FAM186A: variants seen among roughly 807,000 people sequenced by gnomAD.
FAM186A encodes family with sequence similarity 186 member A.
A neutral mutation model predicts 216.8 loss-of-function variants in FAM186A; 163 were observed. The ratio of observed to expected loss-of-function variants is 0.75; its 90% CI spans 0.66 to 0.86. FAM186A has a LOEUF of 0.86. Ranked by LOEUF, FAM186A falls within the 40% of genes least tolerant of loss-of-function variation. The pLI, the probability that FAM186A is intolerant of heterozygous loss-of-function variation, is 0.00. For missense variants in FAM186A, 2,184 were observed against 2,746.2 expected (o/e 0.80, Z 4.58); for synonymous variants, 805 against 1,025.3 (o/e 0.79, Z 4.10).
At chr12:50,371,185 C>T (rs1943139514) in intron 1 of FAM186A, among the ~76,000 whole-genome samples, 2 of 151,896 alleles carry the variant, frequency 1.3e-5, no homozygotes, top group Non-Finnish European at 1.5e-5. Context: ...GTGGCATGAT[C>T]TCGGCTGACT....
chr12:50,331,852 A>G (rs780601476), intron 5 of FAM186A, 31 bp from the exon 6 acceptor site: 9 of 1,497,412 alleles, frequency 6.0e-6, no homozygotes, highest in Non-Finnish European at 8.0e-6. Flanking sequence ...GAAAAAGGAA[A>G]CCATGAAAAG....
chr12:50,379,596 G>A (rs1192968983), intron 1 of FAM186A, among the ~76,000 whole-genome samples: 2 of 151,772 alleles, frequency 1.3e-5, no homozygotes, highest in Non-Finnish European at 2.9e-5. Flanking sequence ...AGACCAGCCT[G>A]ATCAACATGG....
chr12:50,395,391 A>C (rs543618812), intron 1 of FAM186A, among the ~76,000 whole-genome samples: 137 of 152,216 alleles, frequency 9.0e-4, no homozygotes, highest in Non-Finnish European at 1.4e-3. Flanking sequence ...GCCTGGCCTG[A>C]TTTTGTTGTA....
chr12:50,365,808 G>T, intron 1 of FAM186A: 1 of 757,936 alleles, frequency 1.3e-6, no homozygotes, highest in Non-Finnish European at 2.4e-6. Flanking sequence ...CTGAAAGAAT[G>T]ATGAAGTTCA....
chr12:50,382,582 C>CCCAG (rs1282291397), intron 1 of FAM186A, among the ~76,000 whole-genome samples: 1 of 151,852 alleles, frequency 6.6e-6, no homozygotes, highest in Non-Finnish European at 1.5e-5. Flanking sequence ...CACCTGTAAT[C>CCCAG]CCAGCTACGC....
Position 50,354,464 on chromosome 12 carries a change from T to G in FAM186A, c.2368A>C (p.Asn790His). Residue 790 changes from asparagine (N) to histidine (H), a missense_variant, in exon 4 of 8, where the codon AAT (asparagine) becomes CAT (histidine). By Grantham distance (68) the Asn-to-His change is moderately conservative (BLOSUM62 1). Around this residue, in one of 7 missense-constraint regions of FAM186A, gnomAD observed 1,132 missense variants for 1,263.4 expected, o/e 0.90. Coordinates refer to ENST00000327337, the MANE Select transcript of FAM186A (RefSeq NM_001145475.3). ...TCAGCCAAGATCATTTGTATTAAATTGTTAATTACTGGATCTGTGCTCTCA... is the reference window on the plus strand; with the variant it reads ...TCAGCCAAGATCATTTGTATTAAATGGTTAATTACTGGATCTGTGCTCTCA... ...SYESTDPVIN[N>H]LIQMILAEIE... The G allele has an allele frequency of 6.4e-7, 1 of 1,551,620 alleles. No homozygotes were observed. The highest frequency in any genetic ancestry group is 8.7e-7 in the Non-Finnish European group (1 of 1,146,998).
intron 4 of FAM186A, among the ~76,000 whole-genome samples, chr12:50,341,389 A>G (rs925429279): frequency 6.6e-6 from 1 of 152,192 alleles, no homozygotes; most frequent in Non-Finnish European, 1.5e-5. Context: ...AACATTAAAT[A>G]TTAGAGAAGA....
intron 1 of FAM186A, among the ~76,000 whole-genome samples, chr12:50,388,956 G>A (rs574751908): frequency 1.5e-4 from 23 of 151,788 alleles, no homozygotes; most frequent in South Asian, 1.3e-3. Flanking sequence ...AGTCCGAAGC[G>A]GGAGGATCAC....
rs980495288 is a variant in FAM186A, at chr12:50,371,320, T to C, written c.193-7956A>G. ...TTTTAGTAGAGACGGGGTTTCACCA[T>C]CTTGGCCAGGCTGGTCTTGAACTCC... On this transcript the variant is annotated intron_variant, in intron 1 of 7. Transcript: ENST00000327337. Among the ~76,000 whole-genome samples, 7 of 152,046 alleles carry C rather than the reference T, an allele frequency of 4.6e-5. No individual in the cohort carries two copies. The South Asian group carries it at 1.2e-3, about 27-fold the overall frequency.
At chr12:50,329,496 C>T (rs1017556446) in intron 7 of FAM186A, among the ~76,000 whole-genome samples, 4 of 151,970 alleles carry the variant, frequency 2.6e-5, no homozygotes, top group Admixed American at 6.6e-5. Flanking sequence ...ATACTGTATA[C>T]ATCAAATAGT....
intron 3 of FAM186A, among the ~76,000 whole-genome samples, chr12:50,359,957 G>T (rs183620814): frequency 6.6e-6 from 1 of 152,090 alleles, no homozygotes; most frequent in Non-Finnish European, 1.5e-5. Flanking sequence ...AAATTAGATT[G>T]TTGGCCGGGT....
chr12:50,393,245 A>T (rs1283856183), intron 1 of FAM186A, among the ~76,000 whole-genome samples: 1 of 151,110 alleles, frequency 6.6e-6, no homozygotes, highest in Non-Finnish European at 1.5e-5. Context: ...TACTTTTAAA[A>T]TGTACATTTT....
intron 3 of FAM186A, 109 bp downstream of exon 3, chr12:50,360,647 T>A: frequency 1.0e-6 from 1 of 972,378 alleles, no homozygotes. Flanking sequence ...ATCAGGCCAC[T>A]GCACACCAGC....
At chr12:50,336,358 A>C (rs778736156) in intron 4 of FAM186A, among the ~76,000 whole-genome samples, 3 of 152,140 alleles carry the variant, frequency 2.0e-5, no homozygotes, top group African/African-American at 7.2e-5. Flanking sequence ...TAATTGATAA[A>C]TGGTAGATTT....
Position 50,334,087 on chromosome 12 carries a change from G to A in FAM186A, c.6520C>T (p.Arg2174Ter), listed in dbSNP as rs80201036. 14,058 of 1,543,834 alleles carry A rather than the reference G, an allele frequency of 9.1e-3. 122 individuals carry two copies. Among genetic ancestry groups the A allele is most frequent in the Non-Finnish European group, 8.8e-3 (10,108 of 1,144,592 alleles). ...CCAGTATTTTGGATGGCTTTTAGTCGTTTCATTATGTTGTTCCTTGAAAAG... is the reference window on the plus strand; with the variant it reads ...CCAGTATTTTGGATGGCTTTTAGTCATTTCATTATGTTGTTCCTTGAAAAG... ...IQHARNNIMK[R>*]LKAIQNTGKG... The change falls in exon 5 of 8, where the codon CGA (arginine) becomes TGA (stop). Residue 2174 changes from arginine to a stop codon, truncating the protein, a stop_gained. Coordinates refer to ENST00000327337, the MANE Select transcript of FAM186A (RefSeq NM_001145475.3). LOFTEE classifies it high-confidence loss of function.
intron 1 of FAM186A, among the ~76,000 whole-genome samples, chr12:50,374,337 A>G (rs566778848): frequency 5.9e-5 from 9 of 152,218 alleles, no homozygotes; most frequent in Non-Finnish European, 1.3e-4. Flanking sequence ...GTTCTAAATA[A>G]AAATCTTTAT....
At chr12:50,343,931 T>C (rs1287142394) in intron 4 of FAM186A, among the ~76,000 whole-genome samples, 4 of 151,634 alleles carry the variant, frequency 2.6e-5, no homozygotes, top group Non-Finnish European at 4.4e-5. Context: ...TTTTTTTTTT[T>C]TTGTAGAGAT....
intron 1 of FAM186A, among the ~76,000 whole-genome samples, chr12:50,376,221 A>T (rs1013148776): frequency 6.6e-6 from 1 of 152,172 alleles, no homozygotes; most frequent in African/African-American, 2.4e-5. Flanking sequence ...CCCATAGCTC[A>T]GTGAGCAAGC....
intron 7 of FAM186A, among the ~76,000 whole-genome samples, chr12:50,329,509 T>C (rs1038229097): frequency 3.3e-5 from 5 of 152,174 alleles, no homozygotes; most frequent in African/African-American, 1.2e-4. Flanking sequence ...CAAATAGTAA[T>C]ATTTTTCTTA....
Sources: gnomAD v4.1 joint callset for allele counts (sites outside exome capture counted in the v4.1 genomes callset) on GRCh38, gnomAD v4.1.1 for gene constraint, gnomAD v4.1.1 regional missense constraint, MANE v1.5 for transcripts, NCBI Gene and HGNC (gene_info 2026-07-23, HGNC 2026-07-21) for gene names.